The following SNAP25 variants were observed in gnomAD, a reference collection of about 807,000 sequenced individuals.
SNAP25 encodes synaptosome associated protein 25, also known as synaptosomal-associated protein 25.
In SNAP25, 3 loss-of-function variants were observed where a neutral mutation model predicts 28.7. The ratio of observed to expected loss-of-function variants is 0.10; its 90% CI spans 0.05 to 0.27. The LOEUF is 0.27. Ranked by LOEUF, SNAP25 falls within the 10% of genes least tolerant of loss-of-function variation. SNAP25 has a pLI of 1.00. For synonymous variants in SNAP25, 61 were observed against 88.1 expected, an observed-to-expected ratio of 0.69 and a Z score of 1.72; for missense variants, 117 against 278.7, an observed-to-expected ratio of 0.42 and a Z score of 4.13.
In SNAP25 at chr20:10,294,791, GAA is replaced by G. The variant is rs34820075; in HGVS notation, c.281+1527_281+1528del. On this transcript the variant is annotated intron_variant, in intron 5 of 7. Coordinates refer to ENST00000254976, the MANE Select transcript of SNAP25 (RefSeq NM_130811.4). ...ATTAAGAAAGTCATATAATTCATCA[GAA>G]AAAAAAAAAAAAAGCCTCATTACCA... 5.7e-3 allele frequency among the ~76,000 whole-genome samples: 695 copies of G among 121,934 alleles called. 3 individuals carry two copies. Among genetic ancestry groups the G allele is most frequent in the African/African-American group, 0.015 (530 of 34,404 alleles). 80.0% of individuals were successfully genotyped at this position (121,934 alleles called of 152,430 possible). A position where few individuals can be genotyped will look rare whatever the true frequency, so the allele number is the denominator to read the frequency against.
chr20:10,224,257 CTTTTTTTTTTTTT>C (rs71332917), intron 1 of SNAP25, among the ~76,000 whole-genome samples: 14 of 17,434 alleles, frequency 8.0e-4, no homozygotes, highest in East Asian at 2.2e-3. Flanking sequence ...ATGTACATGT[CTTTTTTTTTTTTT>C]TTTTTTTTTT....
intron 1 of SNAP25, among the ~76,000 whole-genome samples, chr20:10,265,001 G>C (rs2063484287): frequency 6.7e-6 from 1 of 149,432 alleles, no homozygotes; most frequent in Non-Finnish European, 1.5e-5. Flanking sequence ...GGCTTACTAA[G>C]AGGCCCTGTT....
chr20:10,303,010 G>C (rs529948420), intron 7 of SNAP25, among the ~76,000 whole-genome samples: 1 of 152,222 alleles, frequency 6.6e-6, no homozygotes, highest in Admixed American at 6.5e-5. Context: ...AGGCCCCTCA[G>C]TGCATTCTTG....
intron 1 of SNAP25, among the ~76,000 whole-genome samples, chr20:10,238,265 G>C (rs1290026391): frequency 6.6e-6 from 1 of 152,208 alleles, no homozygotes; most frequent in Admixed American, 6.5e-5. Context: ...GCATCTTGCA[G>C]GTTTAGGACT....
chr20:10,279,345 A>C (rs2063743820), intron 3 of SNAP25, among the ~76,000 whole-genome samples: 1 of 152,246 alleles, frequency 6.6e-6, no homozygotes, highest in South Asian at 2.1e-4. Flanking sequence ...CATTATTATC[A>C]TAATACATCC....
intron 1 of SNAP25, among the ~76,000 whole-genome samples, chr20:10,242,807 G>A (rs1459519557): frequency 2.0e-5 from 3 of 152,186 alleles, no homozygotes; most frequent in East Asian, 1.9e-4. Flanking sequence ...ATTGCATTCT[G>A]GAAGGTTATA....
At chr20:10,291,587 G>A (rs988056832) in intron 4 of SNAP25, among the ~76,000 whole-genome samples, 3 of 152,194 alleles carry the variant, frequency 2.0e-5, no homozygotes, top group Admixed American at 2.0e-4. Flanking sequence ...AAACACAGTA[G>A]GCTTTTATTT....
chr20:10,285,855 C>G (rs1309957070), intron 4 of SNAP25, among the ~76,000 whole-genome samples: 1 of 152,084 alleles, frequency 6.6e-6, no homozygotes, highest in Non-Finnish European at 1.5e-5. Flanking sequence ...TGACAAGATA[C>G]CACTTTTTAG....
At chr20:10,299,999 T>C (rs547610392) in intron 7 of SNAP25, among the ~76,000 whole-genome samples, 1 of 152,222 alleles carries the variant, frequency 6.6e-6, no homozygotes, top group Non-Finnish European at 1.5e-5. Flanking sequence ...CTTTTATAAA[T>C]GCCAAAGCTT....
At chr20:10,233,329 T>A (rs1245933596) in intron 1 of SNAP25, among the ~76,000 whole-genome samples, 1 of 149,322 alleles carries the variant, frequency 6.7e-6, no homozygotes, top group Non-Finnish European at 1.5e-5. Context: ...CAGACCTGCT[T>A]AGGCCACATC....
chr20:10,235,188 A>G (rs2062896913), intron 1 of SNAP25, among the ~76,000 whole-genome samples: 1 of 152,194 alleles, frequency 6.6e-6, no homozygotes, highest in African/African-American at 2.4e-5. Context: ...AGCTACGATC[A>G]TGTCACTGCA....
chr20:10,262,936 GA>G (rs2063440989), intron 1 of SNAP25, among the ~76,000 whole-genome samples: 1 of 151,798 alleles, frequency 6.6e-6, no homozygotes, highest in African/African-American at 2.4e-5. Context: ...GCGGTGGGGG[GA>G]GTAGTGGGTC....
intron 3 of SNAP25, among the ~76,000 whole-genome samples, chr20:10,282,162 TGGAAGGAA>T (rs536313526): frequency 0.25 from 19,219 of 75,640 alleles, 2,031 homozygotes; most frequent in Non-Finnish European, 0.29. Flanking sequence ...GAAGGAAGGA[TGGAAGGAA>T]GGAAGGAAGG....
intron 1 of SNAP25, among the ~76,000 whole-genome samples, chr20:10,255,836 C>T (rs1461633834): frequency 2.6e-5 from 4 of 152,132 alleles, no homozygotes; most frequent in Non-Finnish European, 4.4e-5. Context: ...AAGCGCAGAA[C>T]AGTGAGACTA....
intron 1 of SNAP25, among the ~76,000 whole-genome samples, chr20:10,226,640 G>A (rs998168085): frequency 6.6e-6 from 1 of 152,110 alleles, no homozygotes; most frequent in African/African-American, 2.4e-5. Flanking sequence ...GTAGAAAAGA[G>A]CTATGGCTCT....
At chr20:10,228,195 T>C (rs759551063) in intron 1 of SNAP25, among the ~76,000 whole-genome samples, 2 of 152,174 alleles carry the variant, frequency 1.3e-5, no homozygotes, top group Non-Finnish European at 2.9e-5. Flanking sequence ...AGACTGAAGA[T>C]ACTACCACTT....
intron 1 of SNAP25, among the ~76,000 whole-genome samples, chr20:10,228,494 A>G (rs2062771024): frequency 6.6e-6 from 1 of 152,286 alleles, no homozygotes; most frequent in African/African-American, 2.4e-5. Context: ...CAGGTGAGAT[A>G]TGGTGGTGTA....
intron 1 of SNAP25, among the ~76,000 whole-genome samples, chr20:10,232,470 A>G (rs1321886854): frequency 6.6e-6 from 1 of 152,190 alleles, no homozygotes; most frequent in African/African-American, 2.4e-5. Context: ...CACAGGTAAA[A>G]TCTCTGCTGC....
chr20:10,300,699 T>C (rs2064215322), intron 7 of SNAP25, among the ~76,000 whole-genome samples: 1 of 152,216 alleles, frequency 6.6e-6, no homozygotes, highest in African/African-American at 2.4e-5. Flanking sequence ...TAAAAATATC[T>C]GATTGCATAT....
Sources: gnomAD v4.1 joint callset for allele counts (sites outside exome capture counted in the v4.1 genomes callset) on GRCh38, gnomAD v4.1.1 for gene constraint, MANE v1.5 for transcripts, NCBI Gene and HGNC (gene_info 2026-07-23, HGNC 2026-07-21) for gene names.